Variants in ITPR2 observed in about 807,000 individuals in gnomAD.
ITPR2 encodes inositol 1,4,5-trisphosphate receptor type 2.
ITPR2 carries 207 observed loss-of-function variants against 317.1 expected under a neutral mutation model. The observed-to-expected ratio is 0.65, with a 90% CI of 0.58 to 0.73. The LOEUF is 0.73. ITPR2 is among the 30% of genes least tolerant of loss of function. The pLI is 0.00. For missense variants in ITPR2, 2,613 were observed against 3,284.0 expected (o/e 0.80, Z 4.99); for synonymous variants, 1,156 against 1,149.1 (o/e 1.01, Z -0.12).
intron 34 of ITPR2, among the ~76,000 whole-genome samples, chr12:26,575,800 G>A (rs571108530): frequency 1.5e-4 from 23 of 152,236 alleles, no homozygotes; most frequent in African/African-American, 5.1e-4. Flanking sequence ...TGAACTGATT[G>A]GATTACACAA....
At chr12:26,794,895 T>C (rs1291385295) in intron 1 of ITPR2, among the ~76,000 whole-genome samples, 3 of 152,210 alleles carry the variant, frequency 2.0e-5, no homozygotes, top group African/African-American at 7.2e-5. Context: ...GCTGAACTTG[T>C]ATTCTCTTAC....
At chr12:26,688,545 A>C (rs191242487) in intron 10 of ITPR2, among the ~76,000 whole-genome samples, 44 of 152,256 alleles carry the variant, frequency 2.9e-4, no homozygotes, top group Non-Finnish European at 5.0e-4. Context: ...GAAGCAGAGG[A>C]AGAAGAAGGA....
At chr12:26,565,539 C>T (rs1174665446) in intron 34 of ITPR2, among the ~76,000 whole-genome samples, 1 of 151,228 alleles carries the variant, frequency 6.6e-6, no homozygotes, top group Non-Finnish European at 1.5e-5. Context: ...GACAGACAGA[C>T]AGATAGATAG....
At chr12:26,612,045 T>C (rs542168485) in intron 26 of ITPR2, among the ~76,000 whole-genome samples, 3 of 152,320 alleles carry the variant, frequency 2.0e-5, no homozygotes, top group Admixed American at 2.0e-4. Context: ...ATGGGCTTAA[T>C]AGACAACCAA....
At chr12:26,733,313 C>CAAAAA (rs1200350846) in intron 2 of ITPR2, among the ~76,000 whole-genome samples, 6 of 49,236 alleles carry the variant, frequency 1.2e-4, no homozygotes, top group South Asian at 6.2e-4. Flanking sequence ...GACTCCATCT[C>CAAAAA]AAAAAAAAAA....
At chr12:26,694,181 A>C (rs1428327859) in intron 10 of ITPR2, among the ~76,000 whole-genome samples, 2 of 152,214 alleles carry the variant, frequency 1.3e-5, no homozygotes, top group African/African-American at 4.8e-5. Flanking sequence ...GAATGTCATC[A>C]GACAAGGCCA....
intron 37 of ITPR2, among the ~76,000 whole-genome samples, chr12:26,527,294 T>C (rs1466993640): frequency 1.3e-5 from 2 of 152,238 alleles, no homozygotes; most frequent in Non-Finnish European, 2.9e-5. Flanking sequence ...TACTTCTTGG[T>C]GTGTCCTCAG....
chr12:26,473,090 T>C (rs1488220677), intron 45 of ITPR2, among the ~76,000 whole-genome samples: 1 of 152,176 alleles, frequency 6.6e-6, no homozygotes, highest in East Asian at 1.9e-4. Context: ...TTTCACCATG[T>C]TAGCCAGGCT....
intron 49 of ITPR2, among the ~76,000 whole-genome samples, chr12:26,422,684 C>T (rs1940936774): frequency 6.6e-6 from 1 of 152,130 alleles, no homozygotes; most frequent in South Asian, 2.1e-4. Context: ...TTTGTCTTTA[C>T]ATTATTCATT....
chr12:26,668,383 G>C (rs1463056297), intron 13 of ITPR2, among the ~76,000 whole-genome samples: 1 of 152,214 alleles, frequency 6.6e-6, no homozygotes, highest in Non-Finnish European at 1.5e-5. Flanking sequence ...CACATGGATA[G>C]GGCTGGACCC....
chr12:26,650,801 AGT>A (rs376766220), intron 21 of ITPR2, among the ~76,000 whole-genome samples: 48 of 152,280 alleles, frequency 3.2e-4, no homozygotes, highest in African/African-American at 9.9e-4. Flanking sequence ...TGGTAAAAGG[AGT>A]CTCACTAGTG....
Position 26,832,877 on chromosome 12 carries a change from C to A in ITPR2, c.-96G>T, listed in dbSNP as rs370925456. Reference sequence around the variant, plus strand: ...GCCGCGGCAGAAGCGGATCGGATCGCGGGACTACAGCGGCCAAGAGCCGCG... The same window carrying A: ...GCCGCGGCAGAAGCGGATCGGATCGAGGGACTACAGCGGCCAAGAGCCGCG... On this transcript the variant is annotated 5_prime_UTR_variant, in exon 1 of 57. Transcript: ENST00000381340. The A allele has an allele frequency of 4.2e-4, 400 of 957,326 alleles. 1 individual carries two copies. In the African/African-American group the frequency reaches 5.8e-3, roughly 14 times the overall value. The allele number at this position is 957,326 out of a possible 1,614,324, so 59.3% of individuals were successfully genotyped here.
chr12:26,470,748 A>G (rs1055162426), intron 45 of ITPR2, among the ~76,000 whole-genome samples: 2 of 152,242 alleles, frequency 1.3e-5, no homozygotes, highest in African/African-American at 2.4e-5. Flanking sequence ...CAATTTTACA[A>G]TATGCATCAG....
At chr12:26,590,299 G>A (rs1052222189) in intron 32 of ITPR2, among the ~76,000 whole-genome samples, 1 of 152,174 alleles carries the variant, frequency 6.6e-6, no homozygotes, top group Non-Finnish European at 1.5e-5. Flanking sequence ...AGCAAGAATA[G>A]TGAGGAGGTG....
intron 31 of ITPR2, 145 bp from the exon 32 acceptor site, chr12:26,595,735 C>G: frequency 4.3e-6 from 3 of 704,270 alleles, no homozygotes; most frequent in Non-Finnish European, 6.6e-6. Context: ...ATTCTCATTT[C>G]TCTTCTTTTG....
At chr12:26,399,933 A>G (rs555412672) in intron 53 of ITPR2, among the ~76,000 whole-genome samples, 195 bp downstream of exon 53, 37 of 152,374 alleles carry the variant, frequency 2.4e-4, no homozygotes, top group Non-Finnish European at 3.8e-4. Flanking sequence ...CCACTCTACG[A>G]ACACACAAAG....
intron 2 of ITPR2, among the ~76,000 whole-genome samples, chr12:26,776,962 T>C (rs1391548525): frequency 6.6e-6 from 1 of 152,162 alleles, no homozygotes; most frequent in Non-Finnish European, 1.5e-5. Context: ...TTCTAATTTA[T>C]ATTAGCAGAA....
chr12:26,548,336 A>G (rs1026524304), intron 37 of ITPR2, among the ~76,000 whole-genome samples: 3 of 152,106 alleles, frequency 2.0e-5, no homozygotes, highest in Non-Finnish European at 4.4e-5. Context: ...AGATTTCCGG[A>G]GGCTAATGGA....
chr12:26,372,973 G>C (rs1477998210), intron 55 of ITPR2, among the ~76,000 whole-genome samples: 3 of 152,102 alleles, frequency 2.0e-5, no homozygotes, highest in Admixed American at 1.3e-4. Context: ...AAAATTCACT[G>C]TCTGTCCATA....
Sources: allele counts gnomAD v4.1 joint callset (sites outside exome capture counted in the v4.1 genomes callset), GRCh38; gene constraint gnomAD v4.1.1; transcripts MANE v1.5; gene names NCBI Gene and HGNC (gene_info 2026-07-23, HGNC 2026-07-21).